COMMD1: variants seen among roughly 807,000 people sequenced by gnomAD.
The protein encoded by COMMD1 is copper metabolism domain containing 1.
COMMD1 carries 10 observed loss-of-function variants against 17.2 expected under a neutral mutation model. The ratio of observed to expected loss-of-function variants is 0.58; its 90% CI spans 0.36 to 0.99. The LOEUF is 0.99. Ranked by LOEUF, COMMD1 falls within the 50% of genes least tolerant of loss-of-function variation. The pLI, the probability that COMMD1 is intolerant of heterozygous loss-of-function variation, is 0.01. For missense variants in COMMD1, 270 were observed against 231.8 expected (o/e 1.17, Z -1.07); for synonymous variants, 97 against 91.6 (o/e 1.06, Z -0.34).
At chr2:61,966,403 TAAAATATG>T (rs537088071) in intron 1 of COMMD1, among the ~76,000 whole-genome samples, 443 of 152,334 alleles carry the variant, frequency 2.9e-3, no homozygotes, top group African/African-American at 9.1e-3. Context: ...TTCTTTTTTT[TAAAATATG>T]TAAATTTGTT....
Position 62,049,671 on chromosome 2 carries a change from A to C in COMMD1, c.462+48689A>C, listed in dbSNP as rs1670485294. On this transcript the variant is annotated intron_variant, in intron 2 of 2. Coordinates refer to ENST00000311832, the MANE Select transcript of COMMD1 (RefSeq NM_152516.4). ...GAACAGGCCTTTATAAGGTAGAGGC[A>C]GCACTTACTCAGGTATTCCAGTACT... is the stretch of plus-strand genomic sequence containing the variant. Among the ~76,000 whole-genome samples the C allele has an allele frequency of 2.0e-5, 3 of 152,210 alleles. No individual in the cohort carries two copies. The South Asian group carries it at 6.2e-4, about 31-fold the overall frequency.
intron 2 of COMMD1, among the ~76,000 whole-genome samples, chr2:62,121,865 C>CACTG (rs2104076282): frequency 6.6e-6 from 1 of 152,316 alleles, no homozygotes; most frequent in Admixed American, 6.5e-5. Context: ...AATCACAGCT[C>CACTG]ACTGCAGCCT....
At chr2:62,098,515 C>A (rs1467472832) in intron 2 of COMMD1, among the ~76,000 whole-genome samples, 2 of 152,130 alleles carry the variant, frequency 1.3e-5, no homozygotes, top group Non-Finnish European at 2.9e-5. Context: ...CACATTATTC[C>A]TCTTTATTAG....
At chr2:61,982,201 T>C (rs1671973380) in intron 1 of COMMD1, among the ~76,000 whole-genome samples, 1 of 152,208 alleles carries the variant, frequency 6.6e-6, no homozygotes, top group Non-Finnish European at 1.5e-5. Context: ...TATAGAGCGC[T>C]TTCACTTCTT....
chr2:61,958,969 C>T (rs966746561), intron 1 of COMMD1, among the ~76,000 whole-genome samples: 7 of 152,178 alleles, frequency 4.6e-5, no homozygotes, highest in South Asian at 2.1e-4. Flanking sequence ...TTAAAGGCCG[C>T]GAACACTGAT....
intron 2 of COMMD1, among the ~76,000 whole-genome samples, chr2:62,046,717 G>A (rs932280708): frequency 6.6e-6 from 1 of 152,214 alleles, no homozygotes; most frequent in Admixed American, 6.5e-5. Context: ...TGGCAGTTTT[G>A]AGGAAAGAAC....
chr2:61,923,422 A>G (rs1670246749), intron 1 of COMMD1, among the ~76,000 whole-genome samples: 1 of 152,148 alleles, frequency 6.6e-6, no homozygotes, highest in Non-Finnish European at 1.5e-5. Context: ...ATCTAGCTAA[A>G]TGATGAGAAT....
At chr2:62,029,943 G>A (rs149585031) in intron 2 of COMMD1, among the ~76,000 whole-genome samples, 3 of 152,238 alleles carry the variant, frequency 2.0e-5, no homozygotes, top group African/African-American at 7.2e-5. Context: ...GTATACACGA[G>A]AGCCTTCAGA....
chr2:61,905,832 C>G lies in COMMD1; in HGVS notation c.154C>G (p.Leu52Val). Residue 52 changes from leucine to valine, a missense_variant, in exon 1 of 3, where the codon CTG (leucine) becomes GTG (valine). Leu to Val is a conservative substitution (Grantham distance 32). Coordinates refer to ENST00000311832, the MANE Select transcript of COMMD1 (RefSeq NM_152516.4). ...EVPPEEFRPF[L>V]AKMRGILKSI... The stretch of plus-strand genomic sequence containing the variant: ...GCCACCCGAGGAGTTCCGCCCCTTT[C>G]TGGCAAAGATGAGGGGGATTCTTAA... The G allele has an allele frequency of 6.2e-6, 10 of 1,614,228 alleles. No homozygotes were observed. Among genetic ancestry groups the G allele is most frequent in the Non-Finnish European group, 8.5e-6 (10 of 1,180,040 alleles).
At chr2:61,928,261 C>T (rs1260123881) in intron 1 of COMMD1, among the ~76,000 whole-genome samples, 1 of 151,956 alleles carries the variant, frequency 6.6e-6, no homozygotes, top group African/African-American at 2.4e-5. Flanking sequence ...CTCCTAAGTT[C>T]ACAATTCTCG....
chr2:62,062,523 C>T (rs1026687972), intron 2 of COMMD1, among the ~76,000 whole-genome samples: 16 of 152,068 alleles, frequency 1.1e-4, no homozygotes, highest in East Asian at 1.9e-4. Context: ...CCACCATGCC[C>T]GGCCTAGATA....
intron 2 of COMMD1, among the ~76,000 whole-genome samples, chr2:62,015,888 A>C (rs80342908): frequency 2.8e-4 from 43 of 152,054 alleles, no homozygotes; most frequent in Admixed American, 7.9e-4. Context: ...GCCGGAGTGC[A>C]GTGGTGCAAT....
At chr2:61,906,538 C>T (rs953055255) in intron 1 of COMMD1, among the ~76,000 whole-genome samples, 15 of 152,208 alleles carry the variant, frequency 9.9e-5, no homozygotes, top group African/African-American at 3.6e-4. Flanking sequence ...AAGCACATAT[C>T]TCGGACTTGC....
intron 2 of COMMD1, among the ~76,000 whole-genome samples, chr2:62,059,589 G>A (rs909853558): frequency 6.6e-6 from 1 of 152,048 alleles, no homozygotes; most frequent in African/African-American, 2.4e-5. Flanking sequence ...TTCAAAAGGA[G>A]CTAAGTTGCC....
chr2:62,071,408 C>A (rs1671195643), intron 2 of COMMD1, among the ~76,000 whole-genome samples: 1 of 152,204 alleles, frequency 6.6e-6, no homozygotes, highest in Admixed American at 6.5e-5. Context: ...TCAGCAAGGT[C>A]TTTACGACCT....
At chr2:62,109,919 CTTTTTTTTTT>C (rs11345736) in intron 2 of COMMD1, among the ~76,000 whole-genome samples, 15 of 73,882 alleles carry the variant, frequency 2.0e-4, no homozygotes, top group East Asian at 4.4e-4. Flanking sequence ...TTATCTTGAT[CTTTTTTTTTT>C]TTTTTTTTTT....
At chr2:62,042,203 C>G (rs1333146961) in intron 2 of COMMD1, among the ~76,000 whole-genome samples, 1 of 152,204 alleles carries the variant, frequency 6.6e-6, no homozygotes, top group Non-Finnish European at 1.5e-5. Flanking sequence ...CTTAGCTAGA[C>G]ACAAAAGTTC....
intron 2 of COMMD1, among the ~76,000 whole-genome samples, chr2:62,029,630 T>C (rs952147789): frequency 3.3e-5 from 5 of 152,238 alleles, no homozygotes; most frequent in African/African-American, 1.2e-4. Context: ...GATATAGTAA[T>C]CATTATCACA....
intron 1 of COMMD1, among the ~76,000 whole-genome samples, chr2:61,907,028 A>G (rs1669791265): frequency 1.3e-5 from 2 of 152,250 alleles, no homozygotes; most frequent in Admixed American, 1.3e-4. Context: ...AAGGAGTAAT[A>G]TCTCAGGTGT....
Sources: allele counts gnomAD v4.1 joint callset (sites outside exome capture counted in the v4.1 genomes callset), GRCh38; gene constraint gnomAD v4.1.1; transcripts MANE v1.5; gene names NCBI Gene and HGNC (gene_info 2026-07-23, HGNC 2026-07-21).